PSMD1: variants seen among roughly 807,000 people sequenced by gnomAD.
PSMD1 encodes the protein proteasome 26S subunit, non-ATPase 1.
Under a neutral mutation model 119.0 loss-of-function variants are expected in PSMD1, and 18 were observed. The observed-to-expected ratio is 0.15, with a 90% confidence interval of 0.10 to 0.22. The LOEUF is 0.22. Ranked by LOEUF, PSMD1 falls within the 10% of genes least tolerant of loss-of-function variation. The pLI is 1.00. For missense variants in PSMD1, 702 were observed against 1,158.5 expected (o/e 0.61, Z 5.72); for synonymous variants, 374 against 396.6 (o/e 0.94, Z 0.68).
At chr2:231,079,162 C>T (rs1250297373) in intron 10 of PSMD1, among the ~76,000 whole-genome samples, 2 of 152,044 alleles carry the variant, frequency 1.3e-5, no homozygotes, top group Non-Finnish European at 2.9e-5. Context: ...CCTTGTTAAC[C>T]AGTCCTTAAT....
intron 16 of PSMD1, among the ~76,000 whole-genome samples, chr2:231,137,461 G>A (rs1330841140): frequency 6.6e-6 from 1 of 152,090 alleles, no homozygotes; most frequent in Non-Finnish European, 1.5e-5. Context: ...GTAAATGTTT[G>A]GCGATGGTGA....
At chr2:231,096,044 T>C (rs1490943312) in intron 16 of PSMD1, among the ~76,000 whole-genome samples, 1 of 152,208 alleles carries the variant, frequency 6.6e-6, no homozygotes, top group Non-Finnish European at 1.5e-5. Context: ...GTGGCCATTA[T>C]TAGAAAGAGG....
At chr2:231,090,120 CTG>C (rs1376889973) in intron 16 of PSMD1, among the ~76,000 whole-genome samples, 1 of 152,220 alleles carries the variant, frequency 6.6e-6, no homozygotes, top group Non-Finnish European at 1.5e-5. Flanking sequence ...CCCATGGGTT[CTG>C]ATGGAGTTGT....
chr2:231,078,197 G>A (rs1023778422), intron 9 of PSMD1, among the ~76,000 whole-genome samples: 4 of 152,080 alleles, frequency 2.6e-5, no homozygotes, highest in Non-Finnish European at 5.9e-5. Flanking sequence ...GAACCCAGGA[G>A]GTGGAGGCTG....
chr2:231,091,709 G>T (rs1559226542), intron 16 of PSMD1, among the ~76,000 whole-genome samples: 2 of 152,116 alleles, frequency 1.3e-5, no homozygotes, highest in Admixed American at 1.3e-4. Flanking sequence ...ATGGCTGTTT[G>T]TTGGGCGTGT....
intron 16 of PSMD1, among the ~76,000 whole-genome samples, chr2:231,114,830 A>G (rs1695277008): frequency 6.6e-6 from 1 of 152,150 alleles, no homozygotes; most frequent in Admixed American, 6.5e-5. Flanking sequence ...ATTATGCATT[A>G]TATATTACAC....
intron 16 of PSMD1, among the ~76,000 whole-genome samples, chr2:231,098,433 G>GTCTCTCTGTCTCTTTCTCTC (rs1389345009): frequency 1.1e-4 from 17 of 150,456 alleles, no homozygotes; most frequent in East Asian, 7.8e-4. Flanking sequence ...CTCCCTCTTT[G>GTCTCTCTGTCTCTTTCTCTC]TCTCTCTGTC....
chr2:231,085,564 C>T (rs1694411439), intron 15 of PSMD1, among the ~76,000 whole-genome samples: 1 of 152,160 alleles, frequency 6.6e-6, no homozygotes, highest in Non-Finnish European at 1.5e-5. Context: ...GTGAAGTGGA[C>T]AGTGAGCTAT....
At position 231,085,218 on chromosome 2, in the gene PSMD1, A is replaced by G. The variant is rs150738021; in HGVS notation, c.1818+104A>G. The G allele has an allele frequency of 4.8e-3, 4,367 of 907,662 alleles. 22 individuals carry two copies. The highest frequency in any genetic ancestry group is 0.011 in the Middle Eastern group (50 of 4,662). 56.2% of individuals were successfully genotyped at this position (907,662 alleles called of 1,614,324 possible). ...GCATCCACAGCGCATGACCACCACC[A>G]GTGGTCTTAGGTTGTGATTCTCATT... On this transcript the variant is annotated intron_variant, in intron 15 of 24. Transcript: ENST00000308696.
intron 24 of PSMD1, among the ~76,000 whole-genome samples, chr2:231,171,180 T>C (rs1015636904): frequency 6.6e-6 from 1 of 152,224 alleles, no homozygotes; most frequent in African/African-American, 2.4e-5. Context: ...AATATAGGCT[T>C]CTCACTGATT....
In PSMD1 at chr2:231,138,955, T is replaced by G. The variant is rs751938355; in HGVS notation, c.1998+105T>G. 8.2e-6 allele frequency: 7 copies of G among 854,162 alleles called. No individual in the cohort carries two copies. The South Asian group carries it at 1.0e-4, about 12-fold the overall frequency. 52.9% of individuals were successfully genotyped at this position (854,162 alleles called of 1,614,324 possible). A position where few individuals can be genotyped will look rare whatever the true frequency, so the allele number is the denominator to read the frequency against. Reference sequence around the variant, plus strand: ...GTAAAAATACAAGTGCAATGTGATCTGTAAGAGTAAACTTGCCATACAAAG... The same window carrying G: ...GTAAAAATACAAGTGCAATGTGATCGGTAAGAGTAAACTTGCCATACAAAG... On this transcript the variant is annotated intron_variant, in intron 17 of 24. Transcript: ENST00000308696.
At chr2:231,138,432 C>G (rs1183943676) in intron 16 of PSMD1, among the ~76,000 whole-genome samples, 2 of 152,136 alleles carry the variant, frequency 1.3e-5, no homozygotes, top group African/African-American at 2.4e-5. Flanking sequence ...TGTGCTACCC[C>G]CAACATGGCT....
intron 16 of PSMD1, among the ~76,000 whole-genome samples, chr2:231,104,484 T>G (rs1694935847): frequency 6.6e-6 from 1 of 152,180 alleles, no homozygotes; most frequent in South Asian, 2.1e-4. Flanking sequence ...AAAATTTATT[T>G]TATAAATGAA....
intron 18 of PSMD1, among the ~76,000 whole-genome samples, chr2:231,149,637 G>T (rs917062017): frequency 2.0e-5 from 3 of 152,184 alleles, no homozygotes; most frequent in African/African-American, 7.2e-5. Flanking sequence ...TCCTATCATT[G>T]ACAAGTACCC....
intron 10 of PSMD1, 37 bp downstream of exon 10, chr2:231,078,784 TC>T (rs151326934): frequency 7.4e-6 from 7 of 944,932 alleles, no homozygotes; most frequent in Admixed American, 5.4e-5. Context: ...TGGTTCAAAA[TC>T]TTTTTCTTTT....
chr2:231,076,373 T>C (rs1355988585), intron 8 of PSMD1, among the ~76,000 whole-genome samples: 1 of 152,094 alleles, frequency 6.6e-6, no homozygotes, highest in Non-Finnish European at 1.5e-5. Flanking sequence ...GCATGGTAGT[T>C]TATAAGATCA....
intron 16 of PSMD1, among the ~76,000 whole-genome samples, chr2:231,134,315 G>A (rs775156811): frequency 1.3e-5 from 2 of 152,136 alleles, no homozygotes; most frequent in Non-Finnish European, 2.9e-5. Context: ...GTTTAGAGGG[G>A]CAGGAGGAAG....
At chr2:231,155,268 A>G (rs1218274811) in intron 19 of PSMD1, among the ~76,000 whole-genome samples, 1 of 152,188 alleles carries the variant, frequency 6.6e-6, no homozygotes, top group African/African-American at 2.4e-5. Context: ...ATTGAATTCT[A>G]AGAAAAACAC....
At chr2:231,076,512 C>T (rs1694170559) in intron 8 of PSMD1, among the ~76,000 whole-genome samples, 1 of 152,154 alleles carries the variant, frequency 6.6e-6, no homozygotes, top group South Asian at 2.1e-4. Context: ...ACTAAAAATA[C>T]AAAAATTAGC....
Sources: gnomAD v4.1 joint callset for allele counts (sites outside exome capture counted in the v4.1 genomes callset) on GRCh38, gnomAD v4.1.1 for gene constraint, MANE v1.5 for transcripts, NCBI Gene and HGNC (gene_info 2026-07-23, HGNC 2026-07-21) for gene names.